Variants in CSNK2A2IP observed in about 807,000 individuals in gnomAD.
CSNK2A2IP encodes casein kinase 2 subunit alpha' interacting protein, also known as casein kinase II subunit alpha'-interacting protein.
At chr3:88,409,780 A>G in the CSNK2A2IP span, among the ~76,000 whole-genome samples, 1 of 152,026 alleles carries the variant, frequency 6.6e-6, no homozygotes. Context: ...GTCTCCTAGT[A>G]AAGTCAGTGA....
the CSNK2A2IP span, among the ~76,000 whole-genome samples, chr3:88,402,705 A>C: frequency 1.3e-5 from 2 of 151,824 alleles, no homozygotes; most frequent in Admixed American, 6.6e-5. Flanking sequence ...GCACGTAAAG[A>C]GTATACCATA....
At chr3:88,432,078 G>GT in the CSNK2A2IP span, among the ~76,000 whole-genome samples, 2 of 151,722 alleles carry the variant, frequency 1.3e-5, no homozygotes, top group Admixed American at 6.6e-5. Flanking sequence ...CTTGTAGTTT[G>GT]TTTTTTAGAC....
chr3:88,420,032 T>TA, the CSNK2A2IP span, among the ~76,000 whole-genome samples: 2 of 152,182 alleles, frequency 1.3e-5, no homozygotes, highest in South Asian at 4.1e-4. Context: ...AACAAAATGA[T>TA]AATGCCCAGG....
At chr3:88,369,372 A>G in the CSNK2A2IP span, among the ~76,000 whole-genome samples, 1 of 151,884 alleles carries the variant, frequency 6.6e-6, no homozygotes, top group Non-Finnish European at 1.5e-5. Flanking sequence ...GCAGAAAACA[A>G]TTACAGAAAC....
the CSNK2A2IP span, among the ~76,000 whole-genome samples, chr3:88,453,028 G>T: frequency 6.6e-6 from 1 of 152,090 alleles, no homozygotes; most frequent in Non-Finnish European, 1.5e-5. Flanking sequence ...AAAAGTGAGA[G>T]CTGAATACCT....
chr3:88,444,510 A>G, the CSNK2A2IP span, among the ~76,000 whole-genome samples: 1 of 152,214 alleles, frequency 6.6e-6, no homozygotes, highest in Non-Finnish European at 1.5e-5. Context: ...GAAGTTTAAT[A>G]TTGCTAGTTA....
the CSNK2A2IP span, among the ~76,000 whole-genome samples, chr3:88,415,815 C>G: frequency 2.6e-5 from 4 of 151,950 alleles, no homozygotes; most frequent in African/African-American, 9.7e-5. Context: ...TTTTCTTTGT[C>G]CCTGCAACCT....
At chr3:88,365,986 G>A in the CSNK2A2IP span, among the ~76,000 whole-genome samples, 3 of 152,038 alleles carry the variant, frequency 2.0e-5, no homozygotes, top group Admixed American at 2.0e-4. Flanking sequence ...GAATGAAAAG[G>A]TGGTGCCAAT....
the CSNK2A2IP span, among the ~76,000 whole-genome samples, chr3:88,375,844 A>G: frequency 6.6e-6 from 1 of 151,870 alleles, no homozygotes; most frequent in Admixed American, 6.6e-5. Context: ...CTCTTTTTCA[A>G]CTGGACTGTG....
chr3:88,430,111 A>G, the CSNK2A2IP span, among the ~76,000 whole-genome samples: 1 of 152,068 alleles, frequency 6.6e-6, no homozygotes, highest in East Asian at 1.9e-4. Flanking sequence ...GCAGCTTGAC[A>G]TCTTCCTTGG....
the CSNK2A2IP span, among the ~76,000 whole-genome samples, chr3:88,402,449 GA>G: frequency 1.3e-5 from 2 of 151,926 alleles, no homozygotes; most frequent in Non-Finnish European, 2.9e-5. Flanking sequence ...ATGTGCACAA[GA>G]AAATATGCAG....
chr3:88,434,183 A>G, the CSNK2A2IP span, among the ~76,000 whole-genome samples: 1 of 152,104 alleles, frequency 6.6e-6, no homozygotes, highest in African/African-American at 2.4e-5. Context: ...GCCATCACAA[A>G]GTGACAAGAA....
the CSNK2A2IP span, among the ~76,000 whole-genome samples, chr3:88,463,870 C>G: frequency 5.3e-5 from 8 of 152,002 alleles, no homozygotes; most frequent in South Asian, 1.7e-3. Context: ...TATTGCAGCA[C>G]TATTCACAAT....
At chr3:88,347,603 G>A in the CSNK2A2IP span, among the ~76,000 whole-genome samples, 7 of 152,070 alleles carry the variant, frequency 4.6e-5, no homozygotes, top group African/African-American at 1.4e-4. Context: ...TAGACATAAT[G>A]CTATTGCACA....
the CSNK2A2IP span, among the ~76,000 whole-genome samples, chr3:88,401,991 C>T: frequency 2.7e-5 from 4 of 149,726 alleles, no homozygotes; most frequent in Non-Finnish European, 5.9e-5. Context: ...AACTGTCTTT[C>T]CTTGCTTTTG....
the CSNK2A2IP span, among the ~76,000 whole-genome samples, chr3:88,461,676 C>T: frequency 6.6e-6 from 1 of 151,020 alleles, no homozygotes; most frequent in East Asian, 2.0e-4. Context: ...GTATACTCAC[C>T]AATTATTGCT....
chr3:88,347,711 G>A, the CSNK2A2IP span, among the ~76,000 whole-genome samples: 7 of 151,962 alleles, frequency 4.6e-5, no homozygotes, highest in African/African-American at 1.2e-4. Context: ...TGTTGCAGTG[G>A]TCAGGAACAA....
At chr3:88,410,179 G>C in the CSNK2A2IP span, among the ~76,000 whole-genome samples, 2 of 151,990 alleles carry the variant, frequency 1.3e-5, no homozygotes, top group Admixed American at 1.3e-4. Context: ...CAAAAAGAAG[G>C]CTCTGTGCAT....
At chr3:88,374,697 A>C in the CSNK2A2IP span, among the ~76,000 whole-genome samples, 1 of 151,712 alleles carries the variant, frequency 6.6e-6, no homozygotes, top group Non-Finnish European at 1.5e-5. Context: ...TTTTCTTTAC[A>C]TTATTTCCTC....
Sources: allele counts gnomAD v4.1 joint callset (sites outside exome capture counted in the v4.1 genomes callset), GRCh38; gene constraint gnomAD v4.1.1; transcripts MANE v1.5; gene names NCBI Gene and HGNC (gene_info 2026-07-23, HGNC 2026-07-21).